The following FGD1 variants were observed in gnomAD, a reference collection of about 807,000 sequenced individuals.
FGD1 encodes FYVE, RhoGEF and PH domain-containing protein 1.
In FGD1, 12 loss-of-function variants were observed where a neutral mutation model predicts 65.0. The observed-to-expected ratio is 0.18, with a 90% CI of 0.12 to 0.30. FGD1 has a LOEUF of 0.30. FGD1 is among the 10% of genes least tolerant of loss of function. The pLI, the probability that FGD1 is intolerant of heterozygous loss-of-function variation, is 1.00. For synonymous variants in FGD1, 333 were observed against 343.9 expected (o/e 0.97, Z 0.35); for missense variants, 542 against 837.6 (o/e 0.65, Z 4.36).
At chrX:54,489,913 C>T (rs981341869) in intron 1 of FGD1, among the ~76,000 whole-genome samples, 1 of 111,899 alleles carries the variant, frequency 8.9e-6, no homozygotes, top group African/African-American at 3.3e-5. Flanking sequence ...TTCACAATAT[C>T]GAAGACATGG....
chrX:54,479,982 C>T lies in FGD1; in HGVS notation c.308-8495G>A, dbSNP rs192184144. Among the ~76,000 whole-genome samples the T allele has an allele frequency of 4.5e-5, 5 of 111,832 alleles. No individual in the cohort carries two copies. The Admixed American group carries it at 4.7e-4, about 11-fold the overall frequency. On this transcript the variant is annotated intron_variant, in intron 1 of 17. Coordinates refer to ENST00000375135, the MANE Select transcript of FGD1 (RefSeq NM_004463.3). Reference sequence around the variant, plus strand: ...TGCAGAAGGAGCTGTTTACAGGAACCCTGTGGGTAGCTCAGGGGTTCCTTC... The same window carrying T: ...TGCAGAAGGAGCTGTTTACAGGAACTCTGTGGGTAGCTCAGGGGTTCCTTC...
chrX:54,470,012 G>A lies in FGD1; in HGVS notation c.1101+4C>T. 8.3e-7 allele frequency: 1 copy of A among 1,208,622 alleles called. No individual in the cohort carries two copies. Among genetic ancestry groups the A allele is most frequent in the Non-Finnish European group, 1.1e-6 (1 of 893,138 alleles). ...CCTGCCTCTCGGTGAACACAGGTCA[G>A]TACCTCCACAGACTCCTGTCTCTCC... On this transcript the variant is annotated splice_donor_region_variant and intron_variant, in intron 4 of 17. Transcript: ENST00000375135.
intron 1 of FGD1, among the ~76,000 whole-genome samples, chrX:54,482,236 GCACACA>G (rs759070309): frequency 3.0e-4 from 30 of 99,388 alleles, no homozygotes; most frequent in South Asian, 8.9e-4. Context: ...GCACACGCGC[GCACACA>G]CACACACACA....
chrX:54,476,769 C>T (rs1200958373), intron 1 of FGD1, among the ~76,000 whole-genome samples: 1 of 110,956 alleles, frequency 9.0e-6, no homozygotes, highest in Non-Finnish European at 1.9e-5. Context: ...TTTATAATTC[C>T]CCAATGCCCA....
In FGD1 at chrX:54,446,039, G is replaced by A. The variant is rs1004654429; in HGVS notation, c.*70C>T. On this transcript the variant is annotated 3_prime_UTR_variant, in exon 18 of 18. Transcript: ENST00000375135. ...GTATTGACTGAGCTGGGAGGGAAGGGGCTAGAGCCCCCAATCAGACATGGG... is the reference window on the plus strand; with the variant it reads ...GTATTGACTGAGCTGGGAGGGAAGGAGCTAGAGCCCCCAATCAGACATGGG... 1.1e-6 allele frequency: 1 copy of A among 871,386 alleles called. No individual in the cohort carries two copies. Among genetic ancestry groups the A allele is most frequent in the African/African-American group, 2.0e-5 (1 of 49,831 alleles). 71.8% of individuals were successfully genotyped at this position (871,386 alleles called of 1,213,427 possible). A position where few individuals can be genotyped will look rare whatever the true frequency, so the allele number is the denominator to read the frequency against.
chrX:54,454,387 C>A (rs757585757), intron 12 of FGD1, among the ~76,000 whole-genome samples: 4 of 111,987 alleles, frequency 3.6e-5, no homozygotes, highest in Non-Finnish European at 7.5e-5. Context: ...TAGTGACTCA[C>A]GCCTGTAATC....
At chrX:54,492,479 C>T (rs960718543) in intron 1 of FGD1, among the ~76,000 whole-genome samples, 3 of 111,389 alleles carry the variant, frequency 2.7e-5, no homozygotes, top group Non-Finnish European at 5.7e-5. Flanking sequence ...ACACACCCTA[C>T]AACCACTAAC....
Position 54,476,357 on chromosome X carries a change from C to CT in FGD1, c.308-4871dup, listed in dbSNP as rs148927324. Among the ~76,000 whole-genome samples, 377 of 99,396 alleles carry CT rather than the reference C, an allele frequency of 3.8e-3. 1 individual carries two copies. The highest frequency in any genetic ancestry group is 7.6e-3 in the African/African-American group (204 of 26,990). The allele number at this position is 99,396 out of a possible 115,157, so 86.3% of individuals were successfully genotyped here. ...GGTCCTGGATTCATTTTCTCCAGCCCTTTTTTTTTTTTTTAAGACAGGGTA... is the reference window on the plus strand; with the variant it reads ...GGTCCTGGATTCATTTTCTCCAGCCCTTTTTTTTTTTTTTTAAGACAGGGTA... On this transcript the variant is annotated intron_variant, in intron 1 of 17. Transcript: ENST00000375135.
intron 1 of FGD1, among the ~76,000 whole-genome samples, chrX:54,479,924 G>A (rs1923106937): frequency 8.9e-6 from 1 of 112,131 alleles, no homozygotes; most frequent in African/African-American, 3.2e-5. Flanking sequence ...GTCTCTCAAA[G>A]TTCAAACACA....
At chrX:54,469,893 T>C in intron 4 of FGD1, 123 bp downstream of exon 4, 1 of 610,929 alleles carries the variant, frequency 1.6e-6, no homozygotes, top group Non-Finnish European at 2.7e-6. Flanking sequence ...ACTTGCCCAG[T>C]GTCACAGAGC....
intron 1 of FGD1, among the ~76,000 whole-genome samples, chrX:54,480,952 G>A (rs968530864): frequency 2.7e-5 from 3 of 111,730 alleles, no homozygotes; most frequent in Non-Finnish European, 3.8e-5. Flanking sequence ...GTGCCCGGCC[G>A]GGAAATCCAG....
At chrX:54,448,420 C>T (rs1399321645) in intron 16 of FGD1, among the ~76,000 whole-genome samples, 6 of 110,821 alleles carry the variant, frequency 5.4e-5, no homozygotes, top group Admixed American at 9.6e-5. Flanking sequence ...TCCCGACCTC[C>T]GGTGATTCAC....
intron 9 of FGD1, 61 bp downstream of exon 9, chrX:54,456,448 C>A (rs1283608250): frequency 2.0e-5 from 24 of 1,205,525 alleles, no homozygotes; most frequent in Non-Finnish European, 1.1e-6. Flanking sequence ...ACCCCCACTC[C>A]AGGATGGAGA....
At chrX:54,486,672 T>G (rs1923286173) in intron 1 of FGD1, among the ~76,000 whole-genome samples, 1 of 106,330 alleles carries the variant, frequency 9.4e-6, no homozygotes, top group African/African-American at 3.4e-5. Flanking sequence ...TGTGCCACCG[T>G]GCCCGGTCGA....
intron 1 of FGD1, among the ~76,000 whole-genome samples, chrX:54,491,255 C>T (rs1188511897): frequency 3.6e-5 from 4 of 111,931 alleles, no homozygotes; most frequent in African/African-American, 1.3e-4. Context: ...TTCCTTAGGG[C>T]CAGATCCTGC....
At position 54,468,887 on chromosome X, in the gene FGD1, GA is replaced by G. The variant is rs1922820631; in HGVS notation, c.1102-12del. On this transcript the variant is annotated splice_polypyrimidine_tract_variant and intron_variant, in intron 4 of 17. Transcript: ENST00000375135. ...TTGCTGCACAGTCAACTGGAAAGGA[GA>G]AACAGTAACCCCTGATCCATCATCC... 1.7e-6 allele frequency: 2 copies of G among 1,152,101 alleles called. No homozygotes were observed. The highest frequency in any genetic ancestry group is 1.2e-6 in the Non-Finnish European group (1 of 842,817). 94.9% of individuals were successfully genotyped at this position (1,152,101 alleles called of 1,213,427 possible).
In FGD1 at chrX:54,470,044, G is replaced by A; in HGVS notation, c.1073C>T (p.Pro358Leu). The change falls in exon 4 of 18, where the codon CCC becomes CTC. Residue 358 changes from proline to leucine, a missense_variant. Coordinates refer to ENST00000375135, the MANE Select transcript of FGD1 (RefSeq NM_004463.3). ...EEEKDREIPV[P>L]LMERQESVEL... ...CACAGACTCCTGTCTCTCCATCAGG[G>A]GCACTGGGATTTCTCTGTCCTTCTC... The A allele has an allele frequency of 8.3e-6, 10 of 1,210,587 alleles. No individual in the cohort carries two copies. Among genetic ancestry groups the A allele is most frequent in the African/African-American group, 1.7e-5 (1 of 57,632 alleles).
At chrX:54,464,593 T>TAATG (rs1215543190) in intron 8 of FGD1, among the ~76,000 whole-genome samples, 1 of 111,132 alleles carries the variant, frequency 9.0e-6, no homozygotes, top group African/African-American at 3.3e-5. Context: ...GCTGTTAAAC[T>TAATG]AATGAATGAA....
In FGD1 at chrX:54,470,707, GCTCCA is replaced by G; in HGVS notation, c.530_534del (p.Leu177ProfsTer38). On this transcript the variant is annotated frameshift_variant, in exon 3 of 18. Coordinates refer to ENST00000375135, the MANE Select transcript of FGD1 (RefSeq NM_004463.3). LOFTEE classifies it high-confidence loss of function. Reference sequence around the variant, plus strand: ...GGGCGTGATGGTGGAGGGGGGATGGGCTCCAGTGGGGGGGGCATCCGGGGCATCTG... The same window carrying G: ...GGGCGTGATGGTGGAGGGGGGATGGGGTGGGGGGGGCATCCGGGGCATCTG... 1.8e-6 allele frequency: 1 copy of G among 553,142 alleles called. No individual in the cohort carries two copies. Among genetic ancestry groups the G allele is most frequent in the Non-Finnish European group, 2.7e-6 (1 of 375,257 alleles). 45.6% of individuals were successfully genotyped at this position (553,142 alleles called of 1,213,427 possible).
Sources: gnomAD v4.1 joint callset for allele counts (sites outside exome capture counted in the v4.1 genomes callset) on GRCh38, gnomAD v4.1.1 for gene constraint, MANE v1.5 for transcripts, NCBI Gene and HGNC (gene_info 2026-07-23, HGNC 2026-07-21) for gene names.